The following NTNG1 variants were observed in gnomAD, a reference collection of about 807,000 sequenced individuals.
NTNG1 encodes the protein netrin G1.
A neutral mutation model predicts 54.0 loss-of-function variants in NTNG1; 16 were observed. That is an observed-to-expected ratio of 0.30 (90% CI 0.20 to 0.45). The LOEUF (loss-of-function observed/expected upper bound fraction) is 0.45, where lower values mean the gene tolerates loss of function less well. Among genes scored for constraint, NTNG1 ranks in the 20% least tolerant of loss-of-function variants. The pLI is 1.00. For synonymous variants in NTNG1, 255 were observed against 263.1 expected (o/e 0.97, Z 0.30); for missense variants, 530 against 678.7 (o/e 0.78, Z 2.43).
At chr1:107,408,903 T>A (rs1176465682) in intron 5 of NTNG1, 1 of 152,128 alleles carries the variant, frequency 6.6e-6, no homozygotes, top group Non-Finnish European at 1.5e-5. Flanking sequence ...CTGCTTCTTA[T>A]AAATGCACAG....
chr1:107,403,553 T>C (rs1673189097), intron 4 of NTNG1: 1 of 153,142 alleles, frequency 6.5e-6, no homozygotes. Context: ...CTACTAAAAA[T>C]ACAAAAATTA....
At chr1:107,305,649 T>C (rs934650550) in intron 2 of NTNG1, among the ~76,000 whole-genome samples, 4 of 152,172 alleles carry the variant, frequency 2.6e-5, no homozygotes, top group African/African-American at 7.2e-5. Flanking sequence ...CTTTAATAGA[T>C]GGATAGATAG....
chr1:107,361,635 G>A (rs1000899591), intron 3 of NTNG1, among the ~76,000 whole-genome samples: 3 of 151,536 alleles, frequency 2.0e-5, no homozygotes, highest in Non-Finnish European at 4.4e-5. Flanking sequence ...TGATCCACCC[G>A]CCTCGGCCTC....
chr1:107,326,428 T>C (rs56113004), intron 3 of NTNG1, among the ~76,000 whole-genome samples: 2,500 of 152,230 alleles, frequency 0.016, 71 homozygotes, highest in African/African-American at 0.056. Context: ...TTGCTATTTA[T>C]AGTAATACAC....
chr1:107,356,439 G>A (rs894752179), intron 3 of NTNG1, among the ~76,000 whole-genome samples: 6 of 151,780 alleles, frequency 4.0e-5, no homozygotes, highest in South Asian at 2.1e-4. Flanking sequence ...AATTACAGGC[G>A]CCCACCACCA....
chr1:107,270,056 A>G (rs1664039292), intron 2 of NTNG1, among the ~76,000 whole-genome samples: 3 of 152,258 alleles, frequency 2.0e-5, no homozygotes, highest in African/African-American at 7.2e-5. Context: ...TTTTATTTCA[A>G]GCTGGGCTTC....
At chr1:107,328,139 C>A (rs1570688700) in intron 3 of NTNG1, among the ~76,000 whole-genome samples, 1 of 152,246 alleles carries the variant, frequency 6.6e-6, no homozygotes, top group Admixed American at 6.5e-5. Flanking sequence ...AAAGAGGAAA[C>A]ATGGCTGTTG....
intron 2 of NTNG1, among the ~76,000 whole-genome samples, chr1:107,233,502 G>A (rs903841555): frequency 2.0e-4 from 31 of 152,270 alleles, no homozygotes; most frequent in African/African-American, 6.5e-4. Context: ...CTTTACTGAG[G>A]AAATCAATCT....
At chr1:107,298,790 C>G (rs1489919477) in intron 2 of NTNG1, among the ~76,000 whole-genome samples, 1 of 152,048 alleles carries the variant, frequency 6.6e-6, no homozygotes, top group African/African-American at 2.4e-5. Context: ...CCCCTTGATG[C>G]CTCAAATGAA....
chr1:107,285,910 A>C (rs556944005), intron 2 of NTNG1, among the ~76,000 whole-genome samples: 42 of 152,150 alleles, frequency 2.8e-4, no homozygotes, highest in Admixed American at 5.9e-4. Context: ...GATGTGTGAC[A>C]CTCGCTCCTC....
At chr1:107,348,236 C>G (rs868087766) in intron 3 of NTNG1, among the ~76,000 whole-genome samples, 17 of 152,120 alleles carry the variant, frequency 1.1e-4, no homozygotes, top group Admixed American at 2.0e-4. Context: ...AGCAATTATT[C>G]TGCCTCAACC....
chr1:107,250,536 G>A lies in NTNG1; in HGVS notation c.247-73746G>A, dbSNP rs12058078. On this transcript the variant is annotated intron_variant, in intron 2 of 7. Transcript: ENST00000370068. The stretch of plus-strand genomic sequence containing the variant: ...TAACAAACCTGCACGTTCTGCACAT[G>A]TATCCCAGAACTGAAAGTATAATAA... 4.0e-3 allele frequency among the ~76,000 whole-genome samples: 609 copies of A among 151,460 alleles called. 6 individuals are homozygous for A. Among genetic ancestry groups the A allele is most frequent in the African/African-American group, 0.014 (596 of 41,224 alleles).
At chr1:107,434,632 T>C (rs1675487813) in intron 6 of NTNG1, among the ~76,000 whole-genome samples, 1 of 152,168 alleles carries the variant, frequency 6.6e-6, no homozygotes, top group Non-Finnish European at 1.5e-5. Context: ...CATGGTTGGG[T>C]AATCAGAGGT....
chr1:107,481,701 G>T lies in NTNG1; in HGVS notation c.*861G>T, dbSNP rs957121945. The T allele has an allele frequency of 1.3e-5, 2 of 152,586 alleles. No individual in the cohort carries two copies. The highest frequency in any genetic ancestry group is 4.8e-5 in the African/African-American group (2 of 41,428). 9.5% of individuals were successfully genotyped at this position (152,586 alleles called of 1,614,324 possible). On this transcript the variant is annotated 3_prime_UTR_variant, in exon 8 of 8. Transcript: ENST00000370068. ...GTTCTGTTTTGTTTCACTGTGCAGA[G>T]ATTTCTCTGTAAGGGCAACGAACGT...
intron 7 of NTNG1, among the ~76,000 whole-genome samples, chr1:107,445,704 C>A (rs1257282221): frequency 1.3e-5 from 2 of 152,052 alleles, no homozygotes; most frequent in Admixed American, 6.6e-5. Context: ...TCAGCAAATT[C>A]TTTCTGTAAT....
intron 7 of NTNG1, among the ~76,000 whole-genome samples, chr1:107,467,388 A>G (rs1677675614): frequency 6.6e-6 from 1 of 152,242 alleles, no homozygotes; most frequent in Non-Finnish European, 1.5e-5. Context: ...ATTAACAATT[A>G]CCATTTCTGT....
At chr1:107,340,079 C>T (rs369574780) in intron 3 of NTNG1, among the ~76,000 whole-genome samples, 9 of 152,148 alleles carry the variant, frequency 5.9e-5, no homozygotes, top group Non-Finnish European at 7.4e-5. Flanking sequence ...GTCTCAATTT[C>T]GTCAAGGTTA....
chr1:107,154,195 T>A (rs1473253436), intron 2 of NTNG1, among the ~76,000 whole-genome samples: 1 of 151,852 alleles, frequency 6.6e-6, no homozygotes, highest in African/African-American at 2.4e-5. Context: ...CACTCAGAAT[T>A]TAAAGGTGAA....
chr1:107,167,913 G>C (rs1655929604), intron 2 of NTNG1, among the ~76,000 whole-genome samples: 1 of 151,790 alleles, frequency 6.6e-6, no homozygotes, highest in Non-Finnish European at 1.5e-5. Flanking sequence ...TCTTACCTTG[G>C]GTTGTCATAA....
Sources: gnomAD v4.1 joint callset for allele counts (sites outside exome capture counted in the v4.1 genomes callset) on GRCh38, gnomAD v4.1.1 for gene constraint, MANE v1.5 for transcripts, NCBI Gene and HGNC (gene_info 2026-07-23, HGNC 2026-07-21) for gene names.